GULP1: variants seen among roughly 807,000 people sequenced by gnomAD.
GULP1 encodes the protein PTB domain-containing engulfment adapter protein 1.
Under a neutral mutation model 40.9 loss-of-function variants are expected in GULP1, and 19 were observed. The observed-to-expected ratio is 0.46, with a 90% CI of 0.32 to 0.68. The LOEUF (loss-of-function observed/expected upper bound fraction) is 0.68. Ranked by LOEUF, GULP1 falls within the 30% of genes least tolerant of loss-of-function variation. The probability of loss-of-function intolerance (pLI) is 0.03; values close to 1 mark genes in which losing one functional copy is unlikely to be tolerated. For missense variants in GULP1, 312 were observed against 362.2 expected (o/e 0.86, Z 1.12); for synonymous variants, 119 against 117.6 (o/e 1.01, Z -0.08).
chr2:188,458,387 A>AT (rs1207828357), intron 2 of GULP1, among the ~76,000 whole-genome samples: 1 of 151,884 alleles, frequency 6.6e-6, no homozygotes, highest in African/African-American at 2.4e-5. Context: ...TTCCTACCTT[A>AT]TTTCTCTGTT....
chr2:188,495,388 C>A (rs2062805226), intron 4 of GULP1, among the ~76,000 whole-genome samples: 1 of 152,080 alleles, frequency 6.6e-6, no homozygotes, highest in Non-Finnish European at 1.5e-5. Flanking sequence ...ACCTGTAATG[C>A]CTTGAAGCCA....
intron 7 of GULP1, among the ~76,000 whole-genome samples, chr2:188,554,372 A>G (rs1694230597): frequency 6.6e-6 from 1 of 151,326 alleles, no homozygotes; most frequent in Non-Finnish European, 1.5e-5. Context: ...ATTTTTTTTT[A>G]TTTCCATCTT....
chr2:188,305,292 C>T (rs1409973726), intron 1 of GULP1, among the ~76,000 whole-genome samples: 1 of 152,188 alleles, frequency 6.6e-6, no homozygotes, highest in Non-Finnish European at 1.5e-5. Context: ...TCTACATGTT[C>T]AGCTATCCAG....
intron 1 of GULP1, chr2:188,294,358 A>G (rs930797998): frequency 2.0e-5 from 3 of 152,204 alleles, no homozygotes; most frequent in Non-Finnish European, 4.4e-5. Flanking sequence ...TGATCCTGAT[A>G]AACAGATCTT....
intron 4 of GULP1, among the ~76,000 whole-genome samples, chr2:188,515,763 G>T (rs1178781331): frequency 6.6e-6 from 1 of 151,628 alleles, no homozygotes; most frequent in Non-Finnish European, 1.5e-5. Flanking sequence ...TGAATACAGG[G>T]ACATTTTTAC....
At chr2:188,396,281 C>G (rs563369507) in intron 2 of GULP1, among the ~76,000 whole-genome samples, 1 of 152,326 alleles carries the variant, frequency 6.6e-6, no homozygotes, top group South Asian at 2.1e-4. Flanking sequence ...AGGGGCAAAG[C>G]CAGGTGGGGG....
At chr2:188,511,671 T>A (rs1047195150) in intron 4 of GULP1, among the ~76,000 whole-genome samples, 2 of 152,100 alleles carry the variant, frequency 1.3e-5, no homozygotes, top group Non-Finnish European at 2.9e-5. Flanking sequence ...TGTTTGGACT[T>A]AAACATGGAA....
intron 2 of GULP1, among the ~76,000 whole-genome samples, chr2:188,455,144 A>C (rs2059155132): frequency 6.6e-6 from 1 of 152,118 alleles, no homozygotes; most frequent in African/African-American, 2.4e-5. Context: ...AAAATAAAAT[A>C]AAATAAAATA....
chr2:188,393,135 T>A (rs768475950), intron 2 of GULP1, among the ~76,000 whole-genome samples: 7 of 151,794 alleles, frequency 4.6e-5, no homozygotes, highest in Non-Finnish European at 4.4e-5. Context: ...TTTTTTTTTG[T>A]CTTTCTGTCT....
At chr2:188,546,664 A>T (rs1403804104) in intron 7 of GULP1, among the ~76,000 whole-genome samples, 1 of 152,034 alleles carries the variant, frequency 6.6e-6, no homozygotes, top group Non-Finnish European at 1.5e-5. Flanking sequence ...AGAACAACAA[A>T]AATATCAAAA....
chr2:188,569,402 A>C (rs1451495131), intron 8 of GULP1, 47 bp downstream of exon 8: 1 of 971,112 alleles, frequency 1.0e-6, no homozygotes, highest in Middle Eastern at 2.2e-4. Flanking sequence ...ATGTAAGTAC[A>C]GGGAAACTTG....
chr2:188,363,810 G>C (rs1343012086), intron 1 of GULP1, among the ~76,000 whole-genome samples: 1 of 152,074 alleles, frequency 6.6e-6, no homozygotes, highest in Non-Finnish European at 1.5e-5. Flanking sequence ...ATTTGAGAGA[G>C]GAGCAGCTTT....
intron 4 of GULP1, among the ~76,000 whole-genome samples, chr2:188,484,952 T>A (rs1289843156): frequency 1.3e-5 from 2 of 152,174 alleles, no homozygotes; most frequent in African/African-American, 4.8e-5. Flanking sequence ...AAAGTTTAGT[T>A]AACTGAATGA....
intron 4 of GULP1, among the ~76,000 whole-genome samples, chr2:188,500,255 G>T (rs1031168292): frequency 6.6e-6 from 1 of 151,878 alleles, no homozygotes; most frequent in Non-Finnish European, 1.5e-5. Flanking sequence ...CACAATGTAC[G>T]TGAGAAACAC....
Position 188,366,653 on chromosome 2 carries a change from C to G in GULP1, c.-171-17110C>G, listed in dbSNP as rs566245998. On this transcript the variant is annotated intron_variant, in intron 1 of 11. Transcript: ENST00000409830. Reference sequence around the variant, plus strand: ...TGTTGCCCAGGCTGGAGTGCAGTGGCGCGATCTCGGCTCACTTGCAAGCTC... The same window carrying G: ...TGTTGCCCAGGCTGGAGTGCAGTGGGGCGATCTCGGCTCACTTGCAAGCTC... 8.0e-3 allele frequency among the ~76,000 whole-genome samples: 1,116 copies of G among 138,994 alleles called. 17 individuals are homozygous for G. The highest frequency in any genetic ancestry group is 0.029 in the African/African-American group (1,072 of 36,722). The allele number at this position is 138,994 out of a possible 152,430, so 91.2% of individuals were successfully genotyped here.
chr2:188,323,205 G>A (rs1043456519), intron 1 of GULP1, among the ~76,000 whole-genome samples: 2 of 151,982 alleles, frequency 1.3e-5, no homozygotes, highest in Non-Finnish European at 2.9e-5. Context: ...TGCAGACAGA[G>A]TGAATATCTC....
intron 1 of GULP1, among the ~76,000 whole-genome samples, chr2:188,367,606 G>T (rs1160559936): frequency 6.6e-6 from 1 of 152,162 alleles, no homozygotes; most frequent in Non-Finnish European, 1.5e-5. Flanking sequence ...TGGAGGGAGG[G>T]TGTGACAAAA....
intron 1 of GULP1, among the ~76,000 whole-genome samples, chr2:188,313,453 G>A (rs561150898): frequency 1.3e-5 from 2 of 152,208 alleles, no homozygotes; most frequent in African/African-American, 4.8e-5. Flanking sequence ...TGAAGTCTCT[G>A]TTCTGCTCCA....
chr2:188,495,590 A>G (rs1432448517), intron 4 of GULP1, among the ~76,000 whole-genome samples: 1 of 152,098 alleles, frequency 6.6e-6, no homozygotes, highest in Non-Finnish European at 1.5e-5. Flanking sequence ...AAGCAAAAAA[A>G]CATGGACTTT....
Sources: gnomAD v4.1 joint callset for allele counts (sites outside exome capture counted in the v4.1 genomes callset) on GRCh38, gnomAD v4.1.1 for gene constraint, MANE v1.5 for transcripts, NCBI Gene and HGNC (gene_info 2026-07-23, HGNC 2026-07-21) for gene names.